UGT1A10: variants seen among roughly 807,000 people sequenced by gnomAD.
The protein encoded by UGT1A10 is UDP-glucuronosyltransferase 1A10.
A neutral mutation model predicts 45.8 loss-of-function variants in UGT1A10; 49 were observed. That is an observed-to-expected ratio of 1.07 (90% confidence interval 0.85 to 1.36). The LOEUF (loss-of-function observed/expected upper bound fraction) is 1.36. UGT1A10 is among the 40% of genes most tolerant of loss of function. UGT1A10 has a pLI of 0.00. For synonymous variants in UGT1A10, 284 were observed against 249.7 expected (o/e 1.14, Z -1.29); for missense variants, 745 against 668.6 (o/e 1.11, Z -1.26).
chr2:233,754,555 A>T (rs1416104293), intron 1 of UGT1A10: 3 of 389,270 alleles, frequency 7.7e-6, no homozygotes, highest in Non-Finnish European at 1.5e-5. Context: ...CTTGGTGTCA[A>T]TGGGGAGCAA....
intron 1 of UGT1A10, chr2:233,717,759 G>A (rs1415784532): frequency 2.2e-6 from 1 of 456,590 alleles, no homozygotes; most frequent in East Asian, 6.9e-5. Flanking sequence ...CCCTAGAAAG[G>A]CACACATTTA....
intron 1 of UGT1A10, among the ~76,000 whole-genome samples, chr2:233,640,906 G>C (rs1023856743): frequency 6.6e-6 from 1 of 151,944 alleles, no homozygotes; most frequent in East Asian, 1.9e-4. Context: ...CAGGACCAGG[G>C]GAAAGCAAAA....
chr2:233,760,934 C>A (rs907848517), intron 1 of UGT1A10: 10 of 1,614,178 alleles, frequency 6.2e-6, no homozygotes, highest in Non-Finnish European at 8.5e-6. Flanking sequence ...ATGCTCATTG[C>A]CTTTTCACAG....
At chr2:233,676,509 G>T (rs546773074) in intron 1 of UGT1A10, among the ~76,000 whole-genome samples, 43 of 152,264 alleles carry the variant, frequency 2.8e-4, no homozygotes, top group African/African-American at 9.4e-4. Context: ...GCTAAAGTCT[G>T]TTTCCTTCAG....
At chr2:233,729,765 C>T in intron 1 of UGT1A10, 2 of 1,613,978 alleles carry the variant, frequency 1.2e-6, no homozygotes, top group Admixed American at 1.7e-5. Flanking sequence ...GGGTCAAGAA[C>T]ATGCTCTACC....
intron 1 of UGT1A10, among the ~76,000 whole-genome samples, chr2:233,709,856 G>A (rs1334446002): frequency 1.3e-5 from 2 of 152,118 alleles, no homozygotes; most frequent in Admixed American, 6.5e-5. Flanking sequence ...TTCAAGACAC[G>A]GAGCACTCCA....
At chr2:233,748,394 G>T (rs1313890293) in intron 1 of UGT1A10, among the ~76,000 whole-genome samples, 1 of 151,804 alleles carries the variant, frequency 6.6e-6, no homozygotes, top group Non-Finnish European at 1.5e-5. Flanking sequence ...TTGGGAAGGA[G>T]CAGGGACACT....
At chr2:233,674,063 C>T (rs944604796) in intron 1 of UGT1A10, among the ~76,000 whole-genome samples, 2 of 152,110 alleles carry the variant, frequency 1.3e-5, no homozygotes, top group African/African-American at 4.8e-5. Flanking sequence ...CCAGATTAAA[C>T]ACCTAATGTC....
intron 1 of UGT1A10, among the ~76,000 whole-genome samples, chr2:233,642,383 T>C (rs574284328): frequency 1.3e-5 from 2 of 152,242 alleles, no homozygotes; most frequent in East Asian, 3.8e-4. Context: ...TCAATCTCTT[T>C]GTTAAATTTA....
chr2:233,679,551 T>TTTTG (rs1047606927), intron 1 of UGT1A10, among the ~76,000 whole-genome samples: 1 of 152,154 alleles, frequency 6.6e-6, no homozygotes, highest in African/African-American at 2.4e-5. Flanking sequence ...TCATCTTTTT[T>TTTTG]TTTGTTTGTT....
chr2:233,637,503 A>G, intron 1 of UGT1A10, 126 bp downstream of exon 1: 1 of 1,486,566 alleles, frequency 6.7e-7, no homozygotes, highest in Non-Finnish European at 8.9e-7. Flanking sequence ...AGTTTAACAA[A>G]TTATTTTGTG....
At chr2:233,757,847 T>C (rs529889907) in intron 1 of UGT1A10, among the ~76,000 whole-genome samples, 12 of 152,082 alleles carry the variant, frequency 7.9e-5, no homozygotes, top group African/African-American at 2.7e-4. Context: ...CTAACTTATG[T>C]CTTCAGCTTA....
intron 1 of UGT1A10, among the ~76,000 whole-genome samples, chr2:233,722,815 A>G: frequency 6.6e-6 from 1 of 151,158 alleles, no homozygotes; most frequent in East Asian, 1.9e-4. Context: ...TTATTTTTTC[A>G]AGTTATTTTG....
chr2:233,683,060 C>A (rs1310432947), intron 1 of UGT1A10, among the ~76,000 whole-genome samples: 6 of 152,048 alleles, frequency 3.9e-5, no homozygotes, highest in Admixed American at 2.6e-4. Context: ...TACAAAAAAA[C>A]CACAGTAAGA....
chr2:233,637,630 G>C (rs2073334354), intron 1 of UGT1A10, among the ~76,000 whole-genome samples: 1 of 151,998 alleles, frequency 6.6e-6, no homozygotes, highest in African/African-American at 2.4e-5. Context: ...ACGATGTTTA[G>C]AAAAGTACCA....
At position 233,644,610 on chromosome 2, in the gene UGT1A10, G is replaced by A. The variant is rs115577546; in HGVS notation, c.855+7233G>A. Among the ~76,000 whole-genome samples the A allele has an allele frequency of 3.1e-3, 465 of 152,084 alleles. 2 individuals carry two copies. Among genetic ancestry groups the A allele is most frequent in the Non-Finnish European group, 4.9e-3 (335 of 67,984 alleles). ...TAAATAAATAAACGCTCTCTCAGTGGGTGGGTGTCAGCTGAGTTTGGTCTG... is the reference window on the plus strand; with the variant it reads ...TAAATAAATAAACGCTCTCTCAGTGAGTGGGTGTCAGCTGAGTTTGGTCTG... On this transcript the variant is annotated intron_variant, in intron 1 of 4. Transcript: ENST00000344644.
At chr2:233,761,119 A>T in intron 1 of UGT1A10, 1 of 1,614,188 alleles carries the variant, frequency 6.2e-7, no homozygotes, top group African/African-American at 1.3e-5. Context: ...TGTTGGTGGA[A>T]TCAACTGCCT....
intron 1 of UGT1A10, among the ~76,000 whole-genome samples, chr2:233,684,764 A>G (rs1012371005): frequency 2.6e-5 from 4 of 152,186 alleles, no homozygotes; most frequent in African/African-American, 9.6e-5. Context: ...AATTCAGATC[A>G]TAAAGAGTGC....
chr2:233,688,190 C>A (rs10168155), intron 1 of UGT1A10, among the ~76,000 whole-genome samples: 1 of 151,962 alleles, frequency 6.6e-6, no homozygotes, highest in East Asian at 1.9e-4. Context: ...CCTTTATGAC[C>A]GGCTTCTTTC....
Sources: gnomAD v4.1 joint callset for allele counts (sites outside exome capture counted in the v4.1 genomes callset) on GRCh38, gnomAD v4.1.1 for gene constraint, MANE v1.5 for transcripts, NCBI Gene and HGNC (gene_info 2026-07-23, HGNC 2026-07-21) for gene names.